Variants in WDFY3 observed in about 807,000 individuals in gnomAD.
WDFY3 encodes WD repeat and FYVE domain containing 3.
A neutral mutation model predicts 409.6 loss-of-function variants in WDFY3; 66 were observed. That is an observed-to-expected ratio of 0.16 (90% CI 0.13 to 0.20). WDFY3 has a LOEUF of 0.20. Among genes scored for constraint, WDFY3 ranks in the 10% least tolerant of loss-of-function variants. The pLI is 1.00. For synonymous variants in WDFY3, 1,521 were observed against 1,537.1 expected (o/e 0.99, Z 0.25); for missense variants, 3,031 against 4,298.1 (o/e 0.71, Z 8.24).
At chr4:84,684,161 CCCTT>C in intron 62 of WDFY3, 36 bp from the exon 63 acceptor site, 1 of 1,487,158 alleles carries the variant, frequency 6.7e-7, no homozygotes, top group Non-Finnish European at 9.1e-7. Context: ...TCTCTTTGCT[CCCTT>C]CCAATTACCT....
intron 2 of WDFY3, among the ~76,000 whole-genome samples, chr4:84,898,000 T>C (rs1765860550): frequency 6.6e-6 from 1 of 152,178 alleles, no homozygotes; most frequent in Admixed American, 6.5e-5. Flanking sequence ...AACAATGACA[T>C]TCACAAAACC....
In WDFY3 at chr4:84,671,014, G is replaced by A. The variant is rs1434235665; in HGVS notation, c.*1854C>T. 1 of 152,548 alleles carries A rather than the reference G, an allele frequency of 6.6e-6. No individual in the cohort carries two copies. The highest frequency in any genetic ancestry group is 1.5e-5 in the Non-Finnish European group (1 of 68,026). 9.4% of individuals were successfully genotyped at this position (152,548 alleles called of 1,614,324 possible). The stretch of plus-strand genomic sequence containing the variant: ...AAATGGAAGTGTTTTAATCAATTTT[G>A]ATATGTAATCATAAATAGACTGTAG... On this transcript the variant is annotated 3_prime_UTR_variant, in exon 68 of 68. Transcript: ENST00000295888.
At chr4:84,739,172 C>G (rs1708555840) in intron 39 of WDFY3, 53 bp from the exon 40 acceptor site, 1 of 1,523,274 alleles carries the variant, frequency 6.6e-7, no homozygotes, top group East Asian at 2.3e-5. Context: ...TAGCTGAAGA[C>G]TACAGTAACT....
chr4:84,916,829 A>C (rs1768554184), intron 2 of WDFY3, among the ~76,000 whole-genome samples: 1 of 152,226 alleles, frequency 6.6e-6, no homozygotes, highest in Admixed American at 6.5e-5. Flanking sequence ...TAAGCAAATT[A>C]GAATTTTTGA....
Position 84,872,379 on chromosome 4 carries a change from C to T in WDFY3, c.-31-11757G>A, listed in dbSNP as rs536636617. Among the ~76,000 whole-genome samples, 12 of 151,532 alleles carry T rather than the reference C, an allele frequency of 7.9e-5. No homozygotes were observed. The East Asian group carries it at 2.1e-3, about 27-fold the overall frequency. On this transcript the variant is annotated intron_variant, in intron 3 of 67. Coordinates refer to ENST00000295888, the MANE Select transcript of WDFY3 (RefSeq NM_014991.6). ...ACTTGGGAGACTGAAGCAGGAGAAT[C>T]GCTTGAACCCTGGAGGCAGAGGTTG...
intron 5 of WDFY3, among the ~76,000 whole-genome samples, chr4:84,843,778 T>A (rs1023009544): frequency 6.6e-6 from 1 of 152,144 alleles, no homozygotes; most frequent in Non-Finnish European, 1.5e-5. Context: ...TCTTAAAAAA[T>A]TATGTATACT....
chr4:84,705,435 G>A lies in WDFY3; in HGVS notation c.8294C>T (p.Ala2765Val). The part of the protein sequence containing the change: ...PMGAQTDERL[A>V]QYKKRYKDWE... ...GTCTTTATACCGCTTCTTATACTGA[G>A]CTAATCGTTCATCTGTTTGTGCTCC... Residue 2765 changes from alanine (A) to valine (V), a missense_variant, in exon 54 of 68, where the codon GCT becomes GTT. Ala to Val is a moderately conservative substitution (Grantham distance 64). Around this residue, in one of 16 missense-constraint regions of WDFY3, gnomAD observed 129 missense variants for 305.3 expected, o/e 0.42. Transcript: ENST00000295888. 1 of 1,614,020 alleles carries A rather than the reference G, an allele frequency of 6.2e-7. No homozygotes were observed. The highest frequency in any genetic ancestry group is 8.5e-7 in the Non-Finnish European group (1 of 1,179,964).
chr4:84,828,074 AGAGGGAGGGAGG>A (rs923450236), intron 9 of WDFY3, among the ~76,000 whole-genome samples: 1 of 138,630 alleles, frequency 7.2e-6, no homozygotes, highest in Non-Finnish European at 1.6e-5. Context: ...ATGAGACCCC[AGAGGGAGGGAGG>A]GAGGGAGGGA....
intron 24 of WDFY3, among the ~76,000 whole-genome samples, chr4:84,784,345 T>C (rs1048264917): frequency 6.6e-6 from 1 of 152,162 alleles, no homozygotes; most frequent in Non-Finnish European, 1.5e-5. Context: ...TCTACTGTGA[T>C]GTCTAATACA....
chr4:84,838,895 T>C (rs1756952920), intron 6 of WDFY3, among the ~76,000 whole-genome samples: 2 of 152,214 alleles, frequency 1.3e-5, no homozygotes, highest in South Asian at 2.1e-4. Context: ...TATGGTACTA[T>C]CTTTTTCTGC....
At chr4:84,841,963 T>G (rs1192115750) in intron 5 of WDFY3, among the ~76,000 whole-genome samples, 1 of 152,120 alleles carries the variant, frequency 6.6e-6, no homozygotes, top group Admixed American at 6.5e-5. Flanking sequence ...GAGGAATAAC[T>G]TGAGTAGCTC....
chr4:84,851,152 C>T (rs2150123270), intron 4 of WDFY3, among the ~76,000 whole-genome samples: 2 of 150,522 alleles, frequency 1.3e-5, no homozygotes, highest in South Asian at 4.2e-4. Flanking sequence ...GAAAATGAAA[C>T]CTGGACAGAC....
chr4:84,834,600 A>C (rs974941518), intron 7 of WDFY3, among the ~76,000 whole-genome samples: 1 of 152,144 alleles, frequency 6.6e-6, no homozygotes, highest in Admixed American at 6.6e-5. Flanking sequence ...GCAGTGAGCC[A>C]AGATCGCACC....
At chr4:84,730,867 C>T (rs1190578385) in intron 44 of WDFY3, among the ~76,000 whole-genome samples, 1 of 151,792 alleles carries the variant, frequency 6.6e-6, no homozygotes, top group African/African-American at 2.4e-5. Flanking sequence ...ATGGCGTGAT[C>T]TCGGCTCACC....
In WDFY3 at chr4:84,713,230, A is replaced by G. The variant is rs753868811; in HGVS notation, c.7971T>C (p.Ala2657=). ...IRNKVYQRFL[A]VVPSLTDSSE... ...AACTGTCCGTTAGAGATGGCACTAC[A>G]GCCAAAAACCTGAAAAATTTAAAAT... The change falls in exon 51 of 68, where the codon GCT becomes GCC. Residue 2657 remains alanine, a synonymous_variant. Coordinates refer to ENST00000295888, the MANE Select transcript of WDFY3 (RefSeq NM_014991.6). 3.1e-6 allele frequency: 5 copies of G among 1,614,154 alleles called. No homozygotes were observed. Among genetic ancestry groups the G allele is most frequent in the Non-Finnish European group, 3.4e-6 (4 of 1,180,000 alleles).
intron 49 of WDFY3, 87 bp from the exon 50 acceptor site, chr4:84,715,470 C>T: frequency 1.2e-6 from 1 of 854,888 alleles, no homozygotes. Context: ...TAAATTTCTA[C>T]AATGTTCAAG....
intron 2 of WDFY3, among the ~76,000 whole-genome samples, chr4:84,918,329 T>G (rs1768779643): frequency 6.6e-6 from 1 of 152,102 alleles, no homozygotes; most frequent in Admixed American, 6.6e-5. Flanking sequence ...ATGAATGAAC[T>G]GGTGTACATA....
At position 84,837,107 on chromosome 4, in the gene WDFY3, T is replaced by C; in HGVS notation, c.415-17A>G. The C allele has an allele frequency of 1.3e-6, 2 of 1,487,800 alleles. No homozygotes were observed. The highest frequency in any genetic ancestry group is 2.1e-5 in the Admixed American group (1 of 48,024). 92.2% of individuals were successfully genotyped at this position (1,487,800 alleles called of 1,614,324 possible). ...CACGGTTTTCTGGAAAACAAGCCAA[T>C]AAATAAGTGAATAGATAGACACAAC... On this transcript the variant is annotated splice_polypyrimidine_tract_variant and intron_variant, in intron 6 of 67. Transcript: ENST00000295888.
intron 2 of WDFY3, among the ~76,000 whole-genome samples, chr4:84,905,082 T>A (rs1287992842): frequency 6.6e-6 from 1 of 152,178 alleles, no homozygotes; most frequent in Non-Finnish European, 1.5e-5. Context: ...ACACCTGTAA[T>A]CTCAGCACTT....
Sources: allele counts gnomAD v4.1 joint callset (sites outside exome capture counted in the v4.1 genomes callset), GRCh38; gene constraint gnomAD v4.1.1; regional missense constraint gnomAD v4.1.1; transcripts MANE v1.5; gene names NCBI Gene and HGNC (gene_info 2026-07-23, HGNC 2026-07-21).